The following DNAAF11 variants were observed in gnomAD, a reference collection of about 807,000 sequenced individuals.
The protein encoded by DNAAF11 is dynein axonemal assembly factor 11.
In DNAAF11, 45 loss-of-function variants were observed where a neutral mutation model predicts 60.8. That is an observed-to-expected ratio of 0.74 (90% confidence interval 0.58 to 0.95). DNAAF11 has a LOEUF of 0.95. Ranked by LOEUF, DNAAF11 falls within the 40% of genes least tolerant of loss-of-function variation. DNAAF11 has a pLI of 0.00. For synonymous variants in DNAAF11, 191 were observed against 183.5 expected (o/e 1.04, Z -0.33); for missense variants, 546 against 546.2 (o/e 1.00, Z 0.00).
intron 1 of DNAAF11, among the ~76,000 whole-genome samples, chr8:132,674,006 G>A (rs1278700775): frequency 6.6e-6 from 1 of 152,010 alleles, no homozygotes; most frequent in African/African-American, 2.4e-5. Flanking sequence ...AGAAGAAGGA[G>A]AAGGAGAAGG....
At chr8:132,586,675 C>A (rs2131038100) in intron 10 of DNAAF11, among the ~76,000 whole-genome samples, 1 of 152,274 alleles carries the variant, frequency 6.6e-6, no homozygotes, top group South Asian at 2.1e-4. Flanking sequence ...TCCAACCTCT[C>A]TGATCAATGT....
chr8:132,624,322 G>A (rs1373592336), intron 6 of DNAAF11, among the ~76,000 whole-genome samples: 1 of 152,098 alleles, frequency 6.6e-6, no homozygotes, highest in East Asian at 1.9e-4. Context: ...GGAGAAGTTA[G>A]GTACTTGCCA....
rs565159384 is a variant in DNAAF11, at chr8:132,674,215, AGG to A, written c.10+1267_10+1268del. ...GAGGAGAAGGAGGAGGAGAAGGAGG[AGG>A]AGGAGAAGGAGAAGAAGAAAAAAAC... On this transcript the variant is annotated intron_variant, in intron 1 of 11. Transcript: ENST00000620350. Among the ~76,000 whole-genome samples, 217 of 151,874 alleles carry A rather than the reference AGG, an allele frequency of 1.4e-3. 1 individual carries two copies. The highest frequency in any genetic ancestry group is 5.0e-3 in the African/African-American group (208 of 41,426).
At chr8:132,699,796 T>C in the DNAAF11 span, among the ~76,000 whole-genome samples, 1 of 152,194 alleles carries the variant, frequency 6.6e-6, no homozygotes. Context: ...CATGCTAAGA[T>C]GTGAGTCGGA....
chr8:132,651,808 A>C (rs192659158), intron 3 of DNAAF11, among the ~76,000 whole-genome samples: 5 of 152,210 alleles, frequency 3.3e-5, no homozygotes, highest in Non-Finnish European at 7.3e-5. Flanking sequence ...GACATACAGT[A>C]AATTTTATTA....
intron 10 of DNAAF11, among the ~76,000 whole-genome samples, chr8:132,587,964 G>A (rs898632487): frequency 2.0e-5 from 3 of 152,040 alleles, no homozygotes; most frequent in Non-Finnish European, 2.9e-5. Flanking sequence ...ATTACATTCC[G>A]AGGCAGCACC....
intron 8 of DNAAF11, among the ~76,000 whole-genome samples, chr8:132,612,308 TATA>T (rs1818745366): frequency 6.6e-6 from 1 of 152,182 alleles, no homozygotes; most frequent in Non-Finnish European, 1.5e-5. Context: ...AAACAATTTT[TATA>T]ATAATAATAG....
At chr8:132,622,576 T>C (rs1586610416) in intron 7 of DNAAF11, 35 bp downstream of exon 7, 2 of 1,505,664 alleles carry the variant, frequency 1.3e-6, no homozygotes, top group Non-Finnish European at 1.8e-6. Flanking sequence ...GACTGACACT[T>C]TTGGGTCTTT....
At chr8:132,700,986 G>A in the DNAAF11 span, among the ~76,000 whole-genome samples, 1 of 152,248 alleles carries the variant, frequency 6.6e-6, no homozygotes, top group East Asian at 1.9e-4. Flanking sequence ...TCAAGATCGA[G>A]GGGTTGGTAT....
At chr8:132,608,484 A>C (rs867227499) in intron 10 of DNAAF11, 167 of 452,298 alleles carry the variant, frequency 3.7e-4, no homozygotes, top group African/African-American at 3.1e-3. Context: ...AAAAGGGGAA[A>C]AGAATGCTGC....
chr8:132,622,758 G>T, intron 6 of DNAAF11, 70 bp from the exon 7 acceptor site: 2 of 1,044,018 alleles, frequency 1.9e-6, no homozygotes, highest in Non-Finnish European at 2.9e-6. Flanking sequence ...GAATATAAAA[G>T]CAATTAATAC....
rs1815590266 is a variant in DNAAF11, at chr8:132,583,791, A to G, written c.1141-12T>C. ...ATTACTTCTCCTACCTAAAATAAAA[A>G]TGAAACACACACCAAGTGGTGCATT... On this transcript the variant is annotated splice_polypyrimidine_tract_variant and intron_variant, in intron 10 of 11. Coordinates refer to ENST00000620350, the MANE Select transcript of DNAAF11 (RefSeq NM_012472.6). The G allele has an allele frequency of 1.3e-6, 2 of 1,589,384 alleles. No homozygotes were observed. The highest frequency in any genetic ancestry group is 1.7e-6 in the Non-Finnish European group (2 of 1,157,750).
chr8:132,650,416 T>A (rs1211552469), intron 3 of DNAAF11, among the ~76,000 whole-genome samples: 1 of 152,116 alleles, frequency 6.6e-6, no homozygotes, highest in East Asian at 1.9e-4. Flanking sequence ...ATACCTAATG[T>A]AAATGATGAG....
intron 1 of DNAAF11, 99 bp downstream of exon 1, chr8:132,675,379 GGGAACC>G: frequency 5.3e-6 from 7 of 1,312,624 alleles, no homozygotes; most frequent in Non-Finnish European, 7.3e-6. Flanking sequence ...CCAGGCGCGG[GGGAACC>G]GACAGCGCAG....
the DNAAF11 span, among the ~76,000 whole-genome samples, chr8:132,701,469 T>C: frequency 6.6e-6 from 1 of 152,176 alleles, no homozygotes. Flanking sequence ...GAAGCTTTTC[T>C]GTCTGCCTTT....
At chr8:132,584,282 T>C (rs1352921687) in intron 10 of DNAAF11, among the ~76,000 whole-genome samples, 2 of 152,180 alleles carry the variant, frequency 1.3e-5, no homozygotes, top group African/African-American at 4.8e-5. Flanking sequence ...CCTATAATTC[T>C]AATACTTTTA....
intron 5 of DNAAF11, among the ~76,000 whole-genome samples, chr8:132,629,473 G>T (rs990729248): frequency 6.6e-6 from 1 of 151,338 alleles, no homozygotes; most frequent in African/African-American, 2.4e-5. Flanking sequence ...TCAACCTCCC[G>T]AGTAGCTGGG....
At chr8:132,600,695 T>C (rs1193057927) in intron 10 of DNAAF11, among the ~76,000 whole-genome samples, 1 of 152,186 alleles carries the variant, frequency 6.6e-6, no homozygotes, top group Admixed American at 6.5e-5. Flanking sequence ...ATTTAATAAA[T>C]GGTGCTGGGA....
intron 7 of DNAAF11, among the ~76,000 whole-genome samples, chr8:132,620,138 T>A (rs1468363381): frequency 6.6e-6 from 1 of 152,060 alleles, no homozygotes; most frequent in East Asian, 1.9e-4. Flanking sequence ...CCAGAGTCCA[T>A]CTGAGATCTG....
Sources: allele counts gnomAD v4.1 joint callset (sites outside exome capture counted in the v4.1 genomes callset), GRCh38; gene constraint gnomAD v4.1.1; transcripts MANE v1.5; gene names NCBI Gene and HGNC (gene_info 2026-07-23, HGNC 2026-07-21).